Variants in STK32B observed in about 807,000 individuals in gnomAD.
The protein encoded by STK32B is serine/threonine kinase 32B, also known as serine/threonine-protein kinase 32B.
Under a neutral mutation model 52.6 loss-of-function variants are expected in STK32B, and 43 were observed. The ratio of observed to expected loss-of-function variants is 0.82; its 90% CI spans 0.64 to 1.05. The LOEUF (loss-of-function observed/expected upper bound fraction) is 1.05, where lower values mean the gene tolerates loss of function less well. Among genes scored for constraint, STK32B ranks in the 50% least tolerant of loss-of-function variants. The pLI is 0.00. For synonymous variants in STK32B, 238 were observed against 204.3 expected (o/e 1.17, Z -1.41); for missense variants, 621 against 534.6 (o/e 1.16, Z -1.59).
chr4:5,367,507 T>C (rs1359229758), intron 4 of STK32B, among the ~76,000 whole-genome samples: 1 of 151,432 alleles, frequency 6.6e-6, no homozygotes, highest in Non-Finnish European at 1.5e-5. Flanking sequence ...TAGGATGCTG[T>C]AGAAAGGACG....
At chr4:5,333,616 C>T (rs1035331734) in intron 4 of STK32B, among the ~76,000 whole-genome samples, 1 of 152,158 alleles carries the variant, frequency 6.6e-6, no homozygotes, top group African/African-American at 2.4e-5. Context: ...TTAGGTCTGA[C>T]ATTTAAGACT....
At chr4:5,355,451 C>T (rs542473370) in intron 4 of STK32B, among the ~76,000 whole-genome samples, 1 of 152,168 alleles carries the variant, frequency 6.6e-6, no homozygotes. Flanking sequence ...ATGATTATCT[C>T]TCTTTAAGAA....
At chr4:5,041,403 T>G in the STK32B span, among the ~76,000 whole-genome samples, 1 of 152,210 alleles carries the variant, frequency 6.6e-6, no homozygotes, top group East Asian at 1.9e-4. Context: ...GGAGCCTTCC[T>G]TCTGACCCAG....
chr4:5,153,955 T>C (rs1024347294), intron 2 of STK32B, among the ~76,000 whole-genome samples: 1 of 152,188 alleles, frequency 6.6e-6, no homozygotes, highest in East Asian at 1.9e-4. Context: ...GTAATCAAAG[T>C]CACAGAAGAT....
At chr4:5,289,297 C>T (rs974779182) in intron 3 of STK32B, among the ~76,000 whole-genome samples, 5 of 151,980 alleles carry the variant, frequency 3.3e-5, no homozygotes, top group East Asian at 3.9e-4. Context: ...AGTTACTTAC[C>T]GTGAATGGAG....
At chr4:5,050,392 C>T (rs1560125351), upstream of STK32B, among the ~76,000 whole-genome samples, 1 of 151,674 alleles carries the variant, frequency 6.6e-6, no homozygotes, top group East Asian at 1.9e-4. Context: ...TCAGTTCTTT[C>T]CCACTGCCTT....
chr4:5,244,806 C>A (rs1039294663), intron 3 of STK32B, among the ~76,000 whole-genome samples: 31 of 152,156 alleles, frequency 2.0e-4, no homozygotes, highest in Non-Finnish European at 5.9e-5. Context: ...CAAAGAACAT[C>A]TTTATTTCTG....
At chr4:5,384,721 G>T (rs1305852397) in intron 4 of STK32B, among the ~76,000 whole-genome samples, 1 of 152,186 alleles carries the variant, frequency 6.6e-6, no homozygotes, top group Non-Finnish European at 1.5e-5. Context: ...GGGGAAGTCG[G>T]TGATGACCCT....
intron 1 of STK32B, among the ~76,000 whole-genome samples, chr4:5,122,325 C>A (rs1229741287): frequency 6.6e-6 from 1 of 151,998 alleles, no homozygotes; most frequent in East Asian, 1.9e-4. Flanking sequence ...AATTCAGTCA[C>A]CCATTCACTC....
chr4:5,220,271 C>T (rs1254654945), intron 3 of STK32B, among the ~76,000 whole-genome samples: 1 of 152,198 alleles, frequency 6.6e-6, no homozygotes, highest in Non-Finnish European at 1.5e-5. Context: ...TTGTGCCAGG[C>T]ACGATGATAC....
At chr4:5,256,542 C>G (rs1193677551) in intron 3 of STK32B, among the ~76,000 whole-genome samples, 1 of 152,186 alleles carries the variant, frequency 6.6e-6, no homozygotes, top group Non-Finnish European at 1.5e-5. Context: ...TCAGTGTAAA[C>G]TCAAAGCATT....
At chr4:5,446,870 A>G (rs1188870122) in intron 7 of STK32B, 94 bp downstream of exon 7, 1 of 1,223,432 alleles carries the variant, frequency 8.2e-7, no homozygotes, top group Non-Finnish European at 1.2e-6. Context: ...CCCGCGGTGC[A>G]GGAAGGAGCA....
chr4:5,161,240 C>T (rs180714219), intron 2 of STK32B, among the ~76,000 whole-genome samples: 1 of 152,258 alleles, frequency 6.6e-6, no homozygotes, highest in East Asian at 1.9e-4. Context: ...AATGAGACCA[C>T]CATTGATGAG....
intron 11 of STK32B, among the ~76,000 whole-genome samples, chr4:5,479,308 A>G (rs1200973019): frequency 6.6e-6 from 1 of 151,910 alleles, no homozygotes; most frequent in Non-Finnish European, 1.5e-5. Flanking sequence ...TAGTAGAGGC[A>G]GGGTTTCACC....
chr4:5,171,261 T>C (rs1164420155), intron 3 of STK32B, among the ~76,000 whole-genome samples: 2 of 152,140 alleles, frequency 1.3e-5, no homozygotes, highest in Non-Finnish European at 2.9e-5. Context: ...GTAGGTTGCC[T>C]GTTCACTCTG....
At chr4:5,265,733 C>A (rs1201561728) in intron 3 of STK32B, among the ~76,000 whole-genome samples, 5 of 152,086 alleles carry the variant, frequency 3.3e-5, no homozygotes, top group Non-Finnish European at 7.4e-5. Context: ...CATTTTCTCC[C>A]TGTCATTTTA....
chr4:5,055,836 A>G (rs986773754), intron 1 of STK32B, among the ~76,000 whole-genome samples: 15 of 151,612 alleles, frequency 9.9e-5, no homozygotes, highest in Non-Finnish European at 1.9e-4. Flanking sequence ...ACCCTACTTA[A>G]AATGTCATTC....
intron 6 of STK32B, among the ~76,000 whole-genome samples, chr4:5,438,356 C>T (rs3774830): frequency 0.36 from 53,982 of 152,056 alleles, 10,636 homozygotes; most frequent in Non-Finnish European, 0.44. Flanking sequence ...TTCACTCATC[C>T]GATGCTTAAT....
chr4:5,055,030 A>G (rs981064802), intron 1 of STK32B, among the ~76,000 whole-genome samples: 3 of 151,846 alleles, frequency 2.0e-5, no homozygotes, highest in Non-Finnish European at 4.4e-5. Flanking sequence ...ACATTTGGTG[A>G]AAAAGGGCAC....
Sources: gnomAD v4.1 joint callset for allele counts (sites outside exome capture counted in the v4.1 genomes callset) on GRCh38, gnomAD v4.1.1 for gene constraint, MANE v1.5 for transcripts, NCBI Gene and HGNC (gene_info 2026-07-23, HGNC 2026-07-21) for gene names.